The following RTN4RL1 variants were observed in gnomAD, a reference collection of about 807,000 sequenced individuals.
The protein encoded by RTN4RL1 is reticulon-4 receptor-like 1.
A neutral mutation model predicts 25.6 loss-of-function variants in RTN4RL1; 7 were observed. The ratio of observed to expected loss-of-function variants is 0.27; its 90% CI spans 0.16 to 0.51. RTN4RL1 has a LOEUF of 0.51. RTN4RL1 is among the 20% of genes least tolerant of loss of function. RTN4RL1 has a pLI of 0.97. For synonymous variants in RTN4RL1, 297 were observed against 288.2 expected (o/e 1.03, Z -0.31); for missense variants, 500 against 615.6 (o/e 0.81, Z 1.99).
At position 1,935,568 on chromosome 17, in the gene RTN4RL1, C is replaced by G. The variant is rs1000542102; in HGVS notation, c.*928G>C. The G allele has an allele frequency of 1.2e-5, 12 of 985,380 alleles. No individual in the cohort carries two copies. The Middle Eastern group carries it at 1.6e-3, about 129-fold the overall frequency. The allele number at this position is 985,380 out of a possible 1,614,324, so 61.0% of individuals were successfully genotyped here. A position where few individuals can be genotyped will look rare whatever the true frequency, so the allele number is the denominator to read the frequency against. On this transcript the variant is annotated 3_prime_UTR_variant, in exon 2 of 2. Transcript: ENST00000331238. The stretch of plus-strand genomic sequence containing the variant: ...AGACTATCGTTGCCAGTTTGGGATT[C>G]TAGACAAAAATTCTATCACTTTGTT...
chr17:2,021,762 C>G (rs1597261537), intron 1 of RTN4RL1, among the ~76,000 whole-genome samples: 2 of 150,658 alleles, frequency 1.3e-5, no homozygotes, highest in Non-Finnish European at 3.0e-5. Context: ...ACCATGTTGG[C>G]CAGGCTGGTC....
chr17:1,937,271 T>C lies in RTN4RL1; in HGVS notation c.551A>G (p.Lys184Arg), dbSNP rs770068855. 1 of 1,612,792 alleles carries C rather than the reference T, an allele frequency of 6.2e-7. No individual in the cohort carries two copies. Among genetic ancestry groups the C allele is most frequent in the Non-Finnish European group, 8.5e-7 (1 of 1,179,872 alleles). The change falls in exon 2 of 2, where the codon AAG becomes AGG. Residue 184 changes from lysine (K) to arginine (R), a missense_variant. Transcript: ENST00000331238. ...NLSHLFLHGN[K>R]LWSLGPGTFR... ...GGTGCCCGGGCCCAGACTCCACAGC[T>C]TGTTGCCGTGGAGAAACAGGTGGCT...
intron 1 of RTN4RL1, among the ~76,000 whole-genome samples, chr17:1,997,064 C>A (rs1326909923): frequency 1.3e-5 from 2 of 152,254 alleles, no homozygotes; most frequent in Non-Finnish European, 2.9e-5. Context: ...ATCTTCCATT[C>A]TCCACACTGC....
At chr17:1,961,205 G>A (rs1014418739) in intron 1 of RTN4RL1, among the ~76,000 whole-genome samples, 1 of 152,194 alleles carries the variant, frequency 6.6e-6, no homozygotes, top group Non-Finnish European at 1.5e-5. Context: ...AACAGCCAAG[G>A]AAGGAAGAAA....
Position 1,966,076 on chromosome 17 carries a change from C to T in RTN4RL1, c.14-28268G>A, listed in dbSNP as rs554341633. Among the ~76,000 whole-genome samples the T allele has an allele frequency of 9.2e-5, 14 of 152,298 alleles. 1 individual carries two copies. The highest frequency in any genetic ancestry group is 9.2e-4 in the Admixed American group (14 of 15,300). ...GAGCCCAGCCTCCTGCTCAGGTCAA[C>T]AGCCCCCCGCCCACCTCCCTGCCCC... On this transcript the variant is annotated intron_variant, in intron 1 of 1. Transcript: ENST00000331238.
chr17:2,006,890 G>C (rs984148196), intron 1 of RTN4RL1, among the ~76,000 whole-genome samples: 1 of 151,864 alleles, frequency 6.6e-6, no homozygotes, highest in Non-Finnish European at 1.5e-5. Flanking sequence ...CCCAAAGTCC[G>C]GGGATTACAG....
At chr17:1,987,514 C>T (rs143268394) in intron 1 of RTN4RL1, among the ~76,000 whole-genome samples, 11 of 152,262 alleles carry the variant, frequency 7.2e-5, no homozygotes, top group African/African-American at 2.6e-4. Flanking sequence ...CACCTGAGGA[C>T]GAGGCTGTCT....
chr17:2,017,006 G>A (rs898975548), intron 1 of RTN4RL1, among the ~76,000 whole-genome samples: 2 of 152,216 alleles, frequency 1.3e-5, no homozygotes, highest in African/African-American at 2.4e-5. Context: ...TGCCTTGTGC[G>A]CTTCTCACTC....
chr17:2,001,927 T>TGGGGGAGGG (rs71150844), intron 1 of RTN4RL1, among the ~76,000 whole-genome samples: 277 of 146,266 alleles, frequency 1.9e-3, no homozygotes, highest in East Asian at 8.9e-3. Context: ...ACTTCAGCCC[T>TGGGGGAGGG]GGGGGAGGGG....
chr17:1,971,954 T>G (rs1314148838), intron 1 of RTN4RL1, among the ~76,000 whole-genome samples: 4 of 61,968 alleles, frequency 6.5e-5, no homozygotes, highest in Non-Finnish European at 1.5e-4. Context: ...AGAGCCAGAC[T>G]CCCTCTCAAA....
rs770742145 is a variant in RTN4RL1, at chr17:1,989,343, C to CTT, written c.13+35508_13+35509dup. Among the ~76,000 whole-genome samples, 4 of 140,394 alleles carry CTT rather than the reference C, an allele frequency of 2.8e-5. No individual in the cohort carries two copies. The East Asian group carries it at 8.1e-4, about 29-fold the overall frequency. The allele number at this position is 140,394 out of a possible 152,430, so 92.1% of individuals were successfully genotyped here. On this transcript the variant is annotated intron_variant, in intron 1 of 1. Transcript: ENST00000331238. ...TTAATGTGGCCAAAAATTATAGAGG[C>CTT]TTTTTTTTTTTTGGAAGGCACATCA...
intron 1 of RTN4RL1, among the ~76,000 whole-genome samples, chr17:1,944,841 G>A (rs1254160953): frequency 6.6e-6 from 1 of 152,154 alleles, no homozygotes; most frequent in Non-Finnish European, 1.5e-5. Flanking sequence ...CTGGACTATT[G>A]CAATAGGCTC....
chr17:1,992,093 A>G (rs569234071), intron 1 of RTN4RL1, among the ~76,000 whole-genome samples: 5 of 147,958 alleles, frequency 3.4e-5, no homozygotes, highest in East Asian at 1.9e-4. Context: ...TGCCGGGCGC[A>G]GTGGCTCACG....
rs998782555 is a variant in RTN4RL1, at chr17:1,998,667, C to G, written c.13+26186G>C. On this transcript the variant is annotated intron_variant, in intron 1 of 1. Coordinates refer to ENST00000331238, the MANE Select transcript of RTN4RL1 (RefSeq NM_178568.4). The surrounding 1 kb of genome is among the most constrained non-coding windows in gnomAD (Gnocchi z 4.9). ...CGGGATGTGGCCTCCGAGGTCGCCG[C>G]GGCGCTTTCCTGCCCAAGCTGGCGC... Among the ~76,000 whole-genome samples, 1 of 151,634 alleles carries G rather than the reference C, an allele frequency of 6.6e-6. No individual in the cohort carries two copies. Among genetic ancestry groups the G allele is most frequent in the African/African-American group, 2.4e-5 (1 of 41,152 alleles).
At chr17:1,938,491 G>C (rs572945970) in intron 1 of RTN4RL1, among the ~76,000 whole-genome samples, 34 of 151,460 alleles carry the variant, frequency 2.2e-4, no homozygotes, top group Admixed American at 5.3e-4. Context: ...TAGTAGAGAC[G>C]GGGTTTCTCC....
intron 1 of RTN4RL1, among the ~76,000 whole-genome samples, chr17:1,955,304 C>T (rs1232997779): frequency 2.0e-5 from 3 of 152,142 alleles, no homozygotes; most frequent in East Asian, 3.9e-4. Context: ...ACTTGTAATG[C>T]CAATAATTTG....
intron 1 of RTN4RL1, among the ~76,000 whole-genome samples, chr17:2,001,837 G>A (rs73976171): frequency 0.024 from 3,617 of 152,034 alleles, 128 homozygotes; most frequent in African/African-American, 0.08. Flanking sequence ...GTGACTGCGG[G>A]ATTCTCCCCT....
intron 1 of RTN4RL1, among the ~76,000 whole-genome samples, chr17:1,997,332 G>A (rs1301621927): frequency 6.6e-6 from 1 of 152,052 alleles, no homozygotes; most frequent in Non-Finnish European, 1.5e-5. Context: ...CCAACCCATC[G>A]TCCTCAGCCA....
intron 1 of RTN4RL1, among the ~76,000 whole-genome samples, chr17:1,967,336 C>CAGCT (rs1359038626): frequency 2.0e-5 from 3 of 152,198 alleles, no homozygotes; most frequent in Non-Finnish European, 1.5e-5. Context: ...AGGCTTCTGA[C>CAGCT]AGCTGCCTTC....
Sources: allele counts gnomAD v4.1 joint callset (sites outside exome capture counted in the v4.1 genomes callset), GRCh38; gene constraint gnomAD v4.1.1; non-coding constraint Gnocchi (gnomAD v3.1); transcripts MANE v1.5; gene names NCBI Gene and HGNC (gene_info 2026-07-23, HGNC 2026-07-21).